AQR: variants seen among roughly 807,000 people sequenced by gnomAD.
The protein encoded by AQR is RNA helicase aquarius.
In AQR, 61 loss-of-function variants were observed where a neutral mutation model predicts 180.5. That is an observed-to-expected ratio of 0.34 (90% CI 0.28 to 0.42). The LOEUF (loss-of-function observed/expected upper bound fraction) is 0.42, where lower values mean the gene tolerates loss of function less well. Ranked by LOEUF, AQR falls within the 10% of genes least tolerant of loss-of-function variation. AQR has a pLI of 1.00. For missense variants in AQR, 1,281 were observed against 1,798.3 expected (o/e 0.71, Z 5.20); for synonymous variants, 551 against 588.8 (o/e 0.94, Z 0.93).
chr15:34,886,871 C>A (rs1000792009), intron 24 of AQR, among the ~76,000 whole-genome samples: 1 of 151,606 alleles, frequency 6.6e-6, no homozygotes, highest in African/African-American at 2.4e-5. Flanking sequence ...CGCCTGTAAT[C>A]CCAACACTTC....
chr15:34,905,714 A>G (rs1893401215), intron 18 of AQR, among the ~76,000 whole-genome samples: 1 of 151,978 alleles, frequency 6.6e-6, no homozygotes, highest in East Asian at 1.9e-4. Flanking sequence ...ATTGAACACA[A>G]AAAAGCTTGG....
Position 34,964,252 on chromosome 15 carries a change from T to C in AQR, c.114A>G (p.Lys38=), listed in dbSNP as rs1246850678. 1 of 1,607,382 alleles carries C rather than the reference T, an allele frequency of 6.2e-7. No homozygotes were observed. The highest frequency in any genetic ancestry group is 2.2e-5 in the East Asian group (1 of 44,874). Residue 38 remains lysine (K), a synonymous_variant, in exon 2 of 35, where the codon AAA becomes AAG. Coordinates refer to ENST00000156471, the MANE Select transcript of AQR (RefSeq NM_014691.3). The part of the protein sequence containing the change: ...CKYWAPHIKK[K]SPFDIKVIED... ...TACTTACCTTTATATCAAAAGGTGA[T>C]TTCTTCTTGATGTGGGGAGCCCAGT...
intron 27 of AQR, among the ~76,000 whole-genome samples, chr15:34,878,385 CAAAAAAAAAAAAAAAAA>C: frequency 2.4e-5 from 1 of 41,662 alleles, no homozygotes; most frequent in African/African-American, 9.4e-5. Context: ...GACTCTGTCT[CAAAAAAAAAAAAAAAAA>C]AAAAAAAAGG....
In AQR at chr15:34,930,311, G is replaced by A. The variant is rs1247905846; in HGVS notation, c.961C>T (p.Leu321=). ...FEINDQTGNA[L]TENEMTTIHY... ...ATTGTGGTCATCTCATTCTCTGTCA[G>A]AGCATTTCCAGTTTGGTCATTAATT... Residue 321 remains leucine, a synonymous_variant, in exon 12 of 35, where the codon CTG becomes TTG. Coordinates refer to ENST00000156471, the MANE Select transcript of AQR (RefSeq NM_014691.3). 1 of 1,611,582 alleles carries A rather than the reference G, an allele frequency of 6.2e-7. No individual in the cohort carries two copies. Among genetic ancestry groups the A allele is most frequent in the Admixed American group, 1.7e-5 (1 of 59,998 alleles).
rs752121140 is a variant in AQR, at chr15:34,874,844, G to A, written c.3258C>T (p.Ser1086=). Residue 1086 remains serine, a synonymous_variant, in exon 29 of 35, where the codon AGC becomes AGT. Coordinates refer to ENST00000156471, the MANE Select transcript of AQR (RefSeq NM_014691.3). The part of the protein sequence containing the change: ...LLLQNPQDGF[S]RLKRWIMIGD... ...CAATCATAATCCATCGTTTTAGTCG[G>A]CTAAATCCATCCTGAGGATTCTAGA... The A allele has an allele frequency of 1.2e-5, 20 of 1,613,362 alleles. No individual in the cohort carries two copies. The highest frequency in any genetic ancestry group is 1.6e-5 in the Non-Finnish European group (19 of 1,179,720).
At position 34,965,615 on chromosome 15, in the gene AQR, G is replaced by A. The variant is rs375978086; in HGVS notation, c.76-1325C>T. ...GAACCTGGGAGGTGGAGATTGCAGTGAGCCAACACCAAGCCACTGCACTCC... is the reference window on the plus strand; with the variant it reads ...GAACCTGGGAGGTGGAGATTGCAGTAAGCCAACACCAAGCCACTGCACTCC... On this transcript the variant is annotated intron_variant, in intron 1 of 34. Transcript: ENST00000156471. Among the ~76,000 whole-genome samples the A allele has an allele frequency of 1.4e-4, 22 of 152,224 alleles. No individual in the cohort carries two copies. In the East Asian group the frequency reaches 4.1e-3, roughly 28 times the overall value.
chr15:34,924,726 C>T (rs919113850), intron 13 of AQR, among the ~76,000 whole-genome samples: 27 of 152,106 alleles, frequency 1.8e-4, no homozygotes, highest in African/African-American at 5.1e-4. Context: ...CTACCACACC[C>T]GGCCTCAATT....
intron 22 of AQR, among the ~76,000 whole-genome samples, chr15:34,894,339 G>T (rs377714737): frequency 1.7e-4 from 26 of 152,244 alleles, no homozygotes; most frequent in African/African-American, 5.8e-4. Flanking sequence ...AAGTCAGAAG[G>T]AAGTGTAATA....
At chr15:34,893,839 C>T (rs550055595) in intron 22 of AQR, 66 bp from the exon 23 acceptor site, 26 of 1,378,260 alleles carry the variant, frequency 1.9e-5, no homozygotes, top group East Asian at 4.6e-5. Flanking sequence ...TGTTAGAAAA[C>T]GTGAAGTACA....
rs776153080 is a variant in AQR, at chr15:34,897,712, GA to G, written c.2244-8del. ...TCTTACTGGAAAAGTTATCCTACAAGACCAAAACTTCTGTTCATTTTTGCAA... is the reference window on the plus strand; with the variant it reads ...TCTTACTGGAAAAGTTATCCTACAAGCCAAAACTTCTGTTCATTTTTGCAA... On this transcript the variant is annotated splice_polypyrimidine_tract_variant and splice_region_variant and intron_variant, in intron 20 of 34. Coordinates refer to ENST00000156471, the MANE Select transcript of AQR (RefSeq NM_014691.3). The G allele has an allele frequency of 1.4e-5, 22 of 1,613,038 alleles. No homozygotes were observed. In the African/African-American group the frequency reaches 2.9e-4, roughly 22 times the overall value.
chr15:34,857,286 A>G (rs1892600421), intron 34 of AQR, among the ~76,000 whole-genome samples, 180 bp from the exon 35 acceptor site: 1 of 152,212 alleles, frequency 6.6e-6, no homozygotes, highest in African/African-American at 2.4e-5. Context: ...GCCTACACAG[A>G]TGTCATATAC....
chr15:34,969,706 G>C lies in AQR; in HGVS notation c.-93C>G. The C allele has an allele frequency of 3.9e-6, 5 of 1,281,992 alleles. No individual in the cohort carries two copies. The highest frequency in any genetic ancestry group is 5.3e-6 in the Non-Finnish European group (5 of 938,134). The allele number at this position is 1,281,992 out of a possible 1,614,324, so 79.4% of individuals were successfully genotyped here. A position where few individuals can be genotyped will look rare whatever the true frequency, so the allele number is the denominator to read the frequency against. On this transcript the variant is annotated 5_prime_UTR_variant, in exon 1 of 35. Coordinates refer to ENST00000156471, the MANE Select transcript of AQR (RefSeq NM_014691.3). Reference sequence around the variant, plus strand: ...ACTTCCCTTAAGTTACTGCCGGGGCGCTTAACTCCGCGCCGCACAAACGCT... The same window carrying C: ...ACTTCCCTTAAGTTACTGCCGGGGCCCTTAACTCCGCGCCGCACAAACGCT...
At chr15:34,880,452 G>T (rs1452430540) in intron 27 of AQR, among the ~76,000 whole-genome samples, 5 of 152,184 alleles carry the variant, frequency 3.3e-5, no homozygotes, top group Non-Finnish European at 7.3e-5. Context: ...TGTATGGGAT[G>T]TGTCTAAATG....
At chr15:34,857,180 A>G in intron 34 of AQR, 74 bp from the exon 35 acceptor site, 1 of 1,376,846 alleles carries the variant, frequency 7.3e-7, no homozygotes, top group Non-Finnish European at 9.7e-7. Flanking sequence ...TCACATTACC[A>G]TTCTAGAGTT....
intron 24 of AQR, among the ~76,000 whole-genome samples, chr15:34,888,297 C>CAATAAATA (rs543980353): frequency 2.0e-5 from 3 of 151,002 alleles, no homozygotes; most frequent in East Asian, 1.9e-4. Context: ...GACTCTGTCC[C>CAATAAATA]AATAAATAAA....
rs1893188009 is a variant in AQR, at chr15:34,893,675, A to G, written c.2559T>C (p.Thr853=). 2 of 1,608,650 alleles carry G rather than the reference A, an allele frequency of 1.2e-6. No homozygotes were observed. The highest frequency in any genetic ancestry group is 2.7e-5 in the African/African-American group (2 of 74,642). ...NFPEQRTLIV[T]HSNQALNQLF... ...CACAGTCATTTACCTGATTGGAATG[A>G]GTAACAATTAGAGTCCTCTGTTCTG... Residue 853 remains threonine (T), a synonymous_variant, in exon 23 of 35, where the codon ACT becomes ACC. Coordinates refer to ENST00000156471, the MANE Select transcript of AQR (RefSeq NM_014691.3).
Position 34,890,200 on chromosome 15 carries a change from C to T in AQR, c.2681+15G>A, listed in dbSNP as rs1893122442. 4.4e-6 allele frequency: 7 copies of T among 1,599,970 alleles called. No homozygotes were observed. The highest frequency in any genetic ancestry group is 6.0e-6 in the Non-Finnish European group (7 of 1,172,032). ...AAATCCTTTTTTACACTGTTACTCA[C>T]TCCCATTTGCTCACCTGCTGAAATC... is the stretch of plus-strand genomic sequence containing the variant. On this transcript the variant is annotated intron_variant, in intron 24 of 34. Coordinates refer to ENST00000156471, the MANE Select transcript of AQR (RefSeq NM_014691.3).
rs772947481 is a variant in AQR, at chr15:34,900,789, T to C, written c.2076A>G (p.Leu692=). ...GTGCACTACTTGGGTCCCCATAACC[T>C]AAAATGATATCGTGCAGCCAGTCAG... ...VVPDWLHDII[L]GYGDPSSAHY... The change falls in exon 20 of 35, where the codon TTA becomes TTG. Residue 692 remains leucine, a synonymous_variant. Transcript: ENST00000156471. The C allele has an allele frequency of 2.5e-6, 4 of 1,614,152 alleles. No individual in the cohort carries two copies. In the Admixed American group the frequency reaches 6.7e-5, roughly 27 times the overall value.
At chr15:34,946,373 C>G (rs1469236984) in intron 5 of AQR, among the ~76,000 whole-genome samples, 1 of 151,948 alleles carries the variant, frequency 6.6e-6, no homozygotes, top group South Asian at 2.1e-4. Context: ...TAAACTCCCT[C>G]TTGAGGTCGG....
Sources: allele counts gnomAD v4.1 joint callset (sites outside exome capture counted in the v4.1 genomes callset), GRCh38; gene constraint gnomAD v4.1.1; transcripts MANE v1.5; gene names NCBI Gene and HGNC (gene_info 2026-07-23, HGNC 2026-07-21).